Variants in MYH3 observed in about 807,000 individuals in gnomAD.
The protein encoded by MYH3 is myosin heavy chain 3.
In MYH3, 130 loss-of-function variants were observed where a neutral mutation model predicts 238.0. The observed-to-expected ratio is 0.55, with a 90% CI of 0.47 to 0.63. The LOEUF is 0.63. MYH3 is among the 30% of genes least tolerant of loss of function. The pLI, the probability that MYH3 is intolerant of heterozygous loss-of-function variation, is 0.00. For synonymous variants in MYH3, 880 were observed against 924.1 expected (o/e 0.95, Z 0.86); for missense variants, 1,853 against 2,374.9 (o/e 0.78, Z 4.57).
intron 40 of MYH3, 54 bp downstream of exon 40, chr17:10,629,543 C>G: frequency 6.2e-7 from 1 of 1,608,788 alleles, no homozygotes; most frequent in Non-Finnish European, 8.5e-7. Flanking sequence ...TTCCTTCCAG[C>G]TAAGAAGTTT....
At chr17:10,671,086 G>A in the MYH3 span, among the ~76,000 whole-genome samples, 1 of 152,056 alleles carries the variant, frequency 6.6e-6, no homozygotes, top group African/African-American at 2.4e-5. Flanking sequence ...TAGAGACGGA[G>A]TTTCACCATG....
At chr17:10,637,101 C>T (rs2074223078) in intron 28 of MYH3, among the ~76,000 whole-genome samples, 1 of 151,044 alleles carries the variant, frequency 6.6e-6, no homozygotes, top group Non-Finnish European at 1.5e-5. Flanking sequence ...TTCTTGTTGC[C>T]CAGGCTGGAG....
Position 10,633,656 on chromosome 17 carries a change from C to T in MYH3, c.4582G>A (p.Glu1528Lys). The T allele has an allele frequency of 1.2e-6, 2 of 1,614,012 alleles. No individual in the cohort carries two copies. Among genetic ancestry groups the T allele is most frequent in the Non-Finnish European group, 1.7e-6 (2 of 1,179,984 alleles). Residue 1528 changes from glutamate (E) to lysine (K), a missense_variant, in exon 33 of 41, where the codon GAG becomes AAG. Transcript: ENST00000583535. ...AGCTCAATCTGCTTTCTTGATTTCT[C>T]CAGTTCATGGATGGTTTTGCCATTT... ...AENGKTIHEL[E>K]KSRKQIELEK...
rs1257717382 is a variant in MYH3 at position 10,635,480 on chromosome 17, T to C, written c.4059A>G (p.Glu1353=). ...LLREQYEEEQ[E]GKAELQRALS... Reference sequence around the variant, plus strand: ...GCGCCCTCTGCAGCTCAGCTTTGCCTTCCTGCTCCTCCTCATACTGTTCCC... The same window carrying C: ...GCGCCCTCTGCAGCTCAGCTTTGCCCTCCTGCTCCTCCTCATACTGTTCCC... The change falls in exon 30 of 41, where the codon GAA becomes GAG. Residue 1353 remains glutamate (E), a synonymous_variant. Transcript: ENST00000583535. 6.2e-7 allele frequency: 1 copy of C among 1,614,198 alleles called. No individual in the cohort carries two copies. The highest frequency in any genetic ancestry group is 1.7e-5 in the Admixed American group (1 of 60,020).
intron 10 of MYH3, among the ~76,000 whole-genome samples, chr17:10,646,607 C>T (rs2074323812): frequency 6.6e-6 from 1 of 152,098 alleles, no homozygotes; most frequent in Admixed American, 6.5e-5. Context: ...CACAAGGGGG[C>T]GCCAAAGGAC....
rs554217759 is a variant in MYH3 at position 10,648,183 on chromosome 17, C to T, written c.735+374G>A. On this transcript the variant is annotated intron_variant, in intron 8 of 40. Transcript: ENST00000583535. The stretch of plus-strand genomic sequence containing the variant: ...GCCCTCCTCCCTACAACCACACAGA[C>T]CCTCTGTAGGTGCCCTGACTGCACC... 3.3e-5 allele frequency among the ~76,000 whole-genome samples: 5 copies of T among 152,228 alleles called. No individual in the cohort carries two copies. The South Asian group carries it at 1.0e-3, about 32-fold the overall frequency.
At chr17:10,649,514 A>G (rs1288715855) in intron 7 of MYH3, 63 bp downstream of exon 7, 2 of 1,337,272 alleles carry the variant, frequency 1.5e-6, no homozygotes, top group Non-Finnish European at 2.2e-6. Flanking sequence ...TGGCCCCCTC[A>G]TTCTGAGGTT....
chr17:10,655,338 G>T (rs1475232608), intron 2 of MYH3, among the ~76,000 whole-genome samples: 4 of 152,154 alleles, frequency 2.6e-5, no homozygotes, highest in Non-Finnish European at 5.9e-5. Context: ...AAGCATCTGA[G>T]GCTTGAACTG....
At chr17:10,655,119 C>A in intron 2 of MYH3, 47 bp from the exon 3 acceptor site, 1 of 1,481,732 alleles carries the variant, frequency 6.7e-7, no homozygotes, top group Non-Finnish European at 9.4e-7. Flanking sequence ...CCTTGCCAGG[C>A]ACCCAGCAGC....
chr17:10,629,703 A>T lies in MYH3; in HGVS notation c.5690T>A (p.Phe1897Tyr), dbSNP rs758392734. ...DEQANAHLTK[F>Y]RKAQHELEEA... ...CTCCAGCTCATGCTGAGCCTTTCGG[A>T]ATTTGGTGAGATGAGCATTGGCTTG... Residue 1897 changes from phenylalanine (F) to tyrosine (Y), a missense_variant, in exon 40 of 41, where the codon TTC (phenylalanine) becomes TAC (tyrosine). By Grantham distance (22) the Phe-to-Tyr change is conservative. Transcript: ENST00000583535. The T allele has an allele frequency of 4.3e-6, 7 of 1,614,094 alleles. No individual in the cohort carries two copies. Among genetic ancestry groups the T allele is most frequent in the Non-Finnish European group, 5.9e-6 (7 of 1,180,046 alleles).
In MYH3 at chr17:10,638,949, T is replaced by A; in HGVS notation, c.3263A>T (p.Tyr1088Phe). Residue 1088 changes from tyrosine to phenylalanine, a missense_variant, in exon 26 of 41, where the codon TAT (tyrosine) becomes TTT (phenylalanine). This residue lies in a region of MYH3 where 1,044 missense variants were observed against 1,192.6 expected (regional missense o/e 0.88). Coordinates refer to ENST00000583535, the MANE Select transcript of MYH3 (RefSeq NM_002470.4). ...TTCCACTTTGCTTTGAAGTTGACAA[T>A]ATTCAAAATCTTTCCTGTGAAGAGA... is the stretch of plus-strand genomic sequence containing the variant. ...DERLKKKDFEYCQLQSKVEDE... is the reference protein window; with the variant it reads ...DERLKKKDFEFCQLQSKVEDE... The A allele has an allele frequency of 1.2e-6, 2 of 1,614,148 alleles. No homozygotes were observed. Among genetic ancestry groups the A allele is most frequent in the Non-Finnish European group, 1.7e-6 (2 of 1,179,988 alleles).
In MYH3 at chr17:10,640,476, G is replaced by A. The variant is rs561453328; in HGVS notation, c.2290-7C>T. Reference sequence around the variant, plus strand: ...AGCCAGCCTTGAAGAACACCTTATGGGGCAGAAGGGTGACATGAGTCAGTT... The same window carrying A: ...AGCCAGCCTTGAAGAACACCTTATGAGGCAGAAGGGTGACATGAGTCAGTT... On this transcript the variant is annotated splice_region_variant and splice_polypyrimidine_tract_variant and intron_variant, in intron 20 of 40. Coordinates refer to ENST00000583535, the MANE Select transcript of MYH3 (RefSeq NM_002470.4). 7.4e-6 allele frequency: 12 copies of A among 1,614,208 alleles called. No individual in the cohort carries two copies. The South Asian group carries it at 1.2e-4, about 16-fold the overall frequency.
chr17:10,643,902 G>C (rs2040569), intron 14 of MYH3, among the ~76,000 whole-genome samples: 1 of 151,848 alleles, frequency 6.6e-6, no homozygotes, highest in Non-Finnish European at 1.5e-5. Context: ...GCTCATGCCT[G>C]TAATCCCAAC....
Position 10,644,718 on chromosome 17 carries a change from G to C in MYH3, c.1142-16C>G, listed in dbSNP as rs1365939440. ...TTGTCAGCCACTGGCAAGAAAACAAGGACAGTGCTTAGAAAAGTAGAAGAG... is the reference window on the plus strand; with the variant it reads ...TTGTCAGCCACTGGCAAGAAAACAACGACAGTGCTTAGAAAAGTAGAAGAG... On this transcript the variant is annotated splice_polypyrimidine_tract_variant and intron_variant, in intron 12 of 40. Transcript: ENST00000583535. 2 of 1,575,390 alleles carry C rather than the reference G, an allele frequency of 1.3e-6. No individual in the cohort carries two copies. Among genetic ancestry groups the C allele is most frequent in the Non-Finnish European group, 1.7e-6 (2 of 1,145,238 alleles).
At chr17:10,643,577 T>A (rs2074293280) in intron 14 of MYH3, among the ~76,000 whole-genome samples, 1 of 151,912 alleles carries the variant, frequency 6.6e-6, no homozygotes, top group Non-Finnish European at 1.5e-5. Context: ...GGTTTCACCA[T>A]GTTGGCCAGG....
intron 6 of MYH3, among the ~76,000 whole-genome samples, chr17:10,650,034 C>T (rs556901419): frequency 2.0e-5 from 3 of 152,202 alleles, no homozygotes; most frequent in East Asian, 1.9e-4. Flanking sequence ...TGCAGTGGCG[C>T]GATCTCGGCT....
chr17:10,647,883 C>CCTT (rs779300380), intron 8 of MYH3, among the ~76,000 whole-genome samples: 6 of 146,710 alleles, frequency 4.1e-5, no homozygotes, highest in South Asian at 2.2e-4. Context: ...TCCTCTTCTC[C>CCTT]CTTCTTCTTC....
Position 10,646,051 on chromosome 17 carries a change from C to G in MYH3, c.899-19G>C. Reference sequence around the variant, plus strand: ...AGCAGCTCTGAAATGACAAATAGTTCCAGGAGGTTATGCAGATGCAAAGAA... The same window carrying G: ...AGCAGCTCTGAAATGACAAATAGTTGCAGGAGGTTATGCAGATGCAAAGAA... On this transcript the variant is annotated intron_variant, in intron 10 of 40. Transcript: ENST00000583535. 6.2e-7 allele frequency: 1 copy of G among 1,603,724 alleles called. No homozygotes were observed. Among genetic ancestry groups the G allele is most frequent in the South Asian group, 1.1e-5 (1 of 90,680 alleles).
At chr17:10,645,662 C>T (rs1193196042) in intron 12 of MYH3, 45 bp downstream of exon 12, 9 of 1,610,088 alleles carry the variant, frequency 5.6e-6, no homozygotes, top group Non-Finnish European at 5.9e-6. Flanking sequence ...GTGACCTCAG[C>T]AGATCAGCCA....
Sources: gnomAD v4.1 joint callset for allele counts (sites outside exome capture counted in the v4.1 genomes callset) on GRCh38, gnomAD v4.1.1 for gene constraint, gnomAD v4.1.1 regional missense constraint, MANE v1.5 for transcripts, NCBI Gene and HGNC (gene_info 2026-07-23, HGNC 2026-07-21) for gene names.